CNOT4: variants seen among roughly 807,000 people sequenced by gnomAD.
CNOT4 encodes CCR4-associated factor 4.
Under a neutral mutation model 73.8 loss-of-function variants are expected in CNOT4, and 8 were observed. The observed-to-expected ratio is 0.11, with a 90% CI of 0.06 to 0.20. CNOT4 has a LOEUF of 0.20. Ranked by LOEUF, CNOT4 falls within the 10% of genes least tolerant of loss-of-function variation. CNOT4 has a pLI of 1.00. For synonymous variants in CNOT4, 293 were observed against 321.1 expected, an observed-to-expected ratio of 0.91 and a Z score of 0.94; for missense variants, 564 against 883.4, an observed-to-expected ratio of 0.64 and a Z score of 4.58.
chr7:135,399,363 C>T (rs1796882770), intron 7 of CNOT4, among the ~76,000 whole-genome samples: 2 of 152,016 alleles, frequency 1.3e-5, no homozygotes, highest in Non-Finnish European at 2.9e-5. Context: ...GTTTTGAATA[C>T]TGTAGGCAAT....
At chr7:135,444,893 G>A in intron 1 of CNOT4, 1 of 1,599,654 alleles carries the variant, frequency 6.3e-7, no homozygotes, top group Non-Finnish European at 8.6e-7. Context: ...ATCACGATGT[G>A]GGCATCTGCA....
chr7:135,417,961 C>G (rs1797961112), intron 3 of CNOT4, among the ~76,000 whole-genome samples: 1 of 152,204 alleles, frequency 6.6e-6, no homozygotes, highest in South Asian at 2.1e-4. Context: ...CACAACACTT[C>G]TCATATTGTT....
At chr7:135,449,371 A>C (rs1026871958) in intron 1 of CNOT4, among the ~76,000 whole-genome samples, 1 of 152,174 alleles carries the variant, frequency 6.6e-6, no homozygotes, top group Non-Finnish European at 1.5e-5. Context: ...ATGTTTCTGA[A>C]TGTATATTTC....
intron 10 of CNOT4, among the ~76,000 whole-genome samples, chr7:135,371,432 G>C (rs1406392582): frequency 6.6e-6 from 1 of 152,248 alleles, no homozygotes; most frequent in African/African-American, 2.4e-5. Flanking sequence ...CTACATATAG[G>C]ATAAACGGCA....
intron 2 of CNOT4, among the ~76,000 whole-genome samples, chr7:135,425,996 G>C (rs1416341159): frequency 1.3e-5 from 2 of 152,126 alleles, no homozygotes; most frequent in East Asian, 1.9e-4. Context: ...GGGAGGGTGA[G>C]GTAGGAGGAT....
intron 1 of CNOT4, among the ~76,000 whole-genome samples, chr7:135,448,710 A>T (rs1411033112): frequency 7.9e-5 from 12 of 152,208 alleles, no homozygotes; most frequent in African/African-American, 2.7e-4. Flanking sequence ...TAATTGCAGA[A>T]GGAAGGTATA....
chr7:135,420,577 CAAA>C (rs71174521), intron 3 of CNOT4, among the ~76,000 whole-genome samples: 4 of 53,368 alleles, frequency 7.5e-5, no homozygotes, highest in Non-Finnish European at 1.4e-4. Context: ...ACCATGTCTC[CAAA>C]AAAAAAAAAA....
At chr7:135,477,126 G>A (rs1392263525) in intron 1 of CNOT4, among the ~76,000 whole-genome samples, 2 of 152,070 alleles carry the variant, frequency 1.3e-5, no homozygotes, top group East Asian at 1.9e-4. Flanking sequence ...CAGATCACTC[G>A]AGGTCAGGAG....
chr7:135,441,943 C>T (rs972549838), intron 1 of CNOT4, among the ~76,000 whole-genome samples: 1 of 152,112 alleles, frequency 6.6e-6, no homozygotes, highest in African/African-American at 2.4e-5. Flanking sequence ...TGGAGAGAAG[C>T]CACAGAAGCC....
intron 1 of CNOT4, among the ~76,000 whole-genome samples, chr7:135,479,194 C>T (rs1336345143): frequency 1.4e-5 from 2 of 143,486 alleles, no homozygotes; most frequent in African/African-American, 5.2e-5. Context: ...CCTATTAGAA[C>T]CAAATTTTTT....
intron 3 of CNOT4, among the ~76,000 whole-genome samples, chr7:135,418,122 T>A (rs1797970407): frequency 6.6e-6 from 1 of 152,188 alleles, no homozygotes; most frequent in Non-Finnish European, 1.5e-5. Context: ...ACAAAAAGAA[T>A]TACACGGATT....
At chr7:135,412,989 A>AC in intron 6 of CNOT4, among the ~76,000 whole-genome samples, 1 of 152,198 alleles carries the variant, frequency 6.6e-6, no homozygotes, top group South Asian at 2.1e-4. Context: ...GGACACTTGC[A>AC]TGGGGAGAAT....
chr7:135,431,977 A>G (rs533855516), intron 2 of CNOT4, among the ~76,000 whole-genome samples: 1 of 152,346 alleles, frequency 6.6e-6, no homozygotes, highest in South Asian at 2.1e-4. Flanking sequence ...TCAAAATCCC[A>G]GTAGGCTTTT....
At chr7:135,484,255 G>C (rs1283682422) in intron 1 of CNOT4, among the ~76,000 whole-genome samples, 3 of 151,896 alleles carry the variant, frequency 2.0e-5, no homozygotes, top group Non-Finnish European at 4.4e-5. Flanking sequence ...CTAACTTCAA[G>C]TATAAAACAA....
chr7:135,421,356 T>C (rs1563039707), intron 3 of CNOT4, among the ~76,000 whole-genome samples: 1 of 152,096 alleles, frequency 6.6e-6, no homozygotes, highest in Non-Finnish European at 1.5e-5. Flanking sequence ...AAGGATCTTT[T>C]GGAAGATCCC....
At chr7:135,467,269 T>C (rs954415287) in intron 1 of CNOT4, among the ~76,000 whole-genome samples, 1 of 152,160 alleles carries the variant, frequency 6.6e-6, no homozygotes, top group African/African-American at 2.4e-5. Context: ...AAATTTCAGG[T>C]TCTTCAAGAT....
intron 10 of CNOT4, among the ~76,000 whole-genome samples, chr7:135,380,172 T>C (rs745959999): frequency 2.6e-5 from 4 of 152,182 alleles, no homozygotes; most frequent in Non-Finnish European, 5.9e-5. Context: ...TCATTCTATA[T>C]GGTGTAACAC....
rs1202542105 is a variant in CNOT4 at position 135,363,558 on chromosome 7, A to T, written c.1840+296T>A. On this transcript the variant is annotated intron_variant, in intron 11 of 11. Transcript: ENST00000541284. This position sits in a 1 kb window ranked among gnomAD's most constrained non-coding sequence, Gnocchi z 4.3. ...AAAAGTGGAGTATGTTCCTTATAAG[A>T]AGAGTAAGTCAGATCCTTTTGTACT... Among the ~76,000 whole-genome samples, 1 of 152,234 alleles carries T rather than the reference A, an allele frequency of 6.6e-6. No individual in the cohort carries two copies. The highest frequency in any genetic ancestry group is 2.4e-5 in the African/African-American group (1 of 41,470).
intron 1 of CNOT4, among the ~76,000 whole-genome samples, chr7:135,467,299 G>A (rs961958513): frequency 6.6e-6 from 1 of 152,092 alleles, no homozygotes; most frequent in Admixed American, 6.6e-5. Context: ...TATCAACTAC[G>A]GTCTAAACAT....
Sources: allele counts gnomAD v4.1 joint callset (sites outside exome capture counted in the v4.1 genomes callset), GRCh38; gene constraint gnomAD v4.1.1; non-coding constraint Gnocchi (gnomAD v3.1); transcripts MANE v1.5; gene names NCBI Gene and HGNC (gene_info 2026-07-23, HGNC 2026-07-21).